The following SNTB1 variants were observed in gnomAD, a reference collection of about 807,000 sequenced individuals.
SNTB1 encodes beta-1-syntrophin.
Under a neutral mutation model 48.9 loss-of-function variants are expected in SNTB1, and 36 were observed. The observed-to-expected ratio is 0.74, with a 90% CI of 0.56 to 0.97. SNTB1 has a LOEUF of 0.97. Among genes scored for constraint, SNTB1 ranks in the 50% least tolerant of loss-of-function variants. The pLI is 0.00. For synonymous variants in SNTB1, 299 were observed against 294.6 expected (o/e 1.01, Z -0.15); for missense variants, 786 against 703.4 (o/e 1.12, Z -1.33).
chr8:120,773,118 A>G (rs1052274972), intron 1 of SNTB1, among the ~76,000 whole-genome samples: 4 of 152,248 alleles, frequency 2.6e-5, no homozygotes, highest in Admixed American at 2.0e-4. Flanking sequence ...TAATTTTAAA[A>G]AATCAGCAAG....
intron 4 of SNTB1, among the ~76,000 whole-genome samples, chr8:120,553,645 T>C (rs1815518615): frequency 6.6e-6 from 1 of 152,198 alleles, no homozygotes; most frequent in Admixed American, 6.5e-5. Flanking sequence ...AACAAAACCA[T>C]TAAAATGTAG....
intron 5 of SNTB1, among the ~76,000 whole-genome samples, chr8:120,546,590 C>T (rs542831797): frequency 2.1e-3 from 319 of 152,254 alleles, no homozygotes; most frequent in African/African-American, 7.3e-3. Context: ...ATTTTCCTGC[C>T]TCCCAAGTAG....
intron 1 of SNTB1, among the ~76,000 whole-genome samples, chr8:120,694,436 A>G (rs1818178861): frequency 6.6e-6 from 1 of 152,128 alleles, no homozygotes. Flanking sequence ...AGCAAAAAAA[A>G]TTATTTGTAA....
intron 1 of SNTB1, among the ~76,000 whole-genome samples, chr8:120,790,444 A>G (rs1231936251): frequency 1.3e-5 from 2 of 151,908 alleles, no homozygotes; most frequent in Non-Finnish European, 2.9e-5. Context: ...AGGAAGTCAA[A>G]TTTTCTGTTT....
At chr8:120,784,717 C>G (rs1189517986) in intron 1 of SNTB1, among the ~76,000 whole-genome samples, 2 of 152,208 alleles carry the variant, frequency 1.3e-5, no homozygotes, top group African/African-American at 4.8e-5. Context: ...AAGCATGCCT[C>G]TTCCACTTGA....
intron 1 of SNTB1, among the ~76,000 whole-genome samples, chr8:120,759,602 G>A (rs767411128): frequency 6.9e-4 from 105 of 152,154 alleles, no homozygotes; most frequent in Admixed American, 1.4e-3. Flanking sequence ...CTCAGGAAGC[G>A]CAATACATCA....
intron 3 of SNTB1, among the ~76,000 whole-genome samples, chr8:120,604,303 T>C (rs1433746170): frequency 6.6e-6 from 1 of 152,182 alleles, no homozygotes; most frequent in Non-Finnish European, 1.5e-5. Context: ...CTCATGGTGG[T>C]GCTCTGAATA....
At chr8:120,743,129 C>T (rs1819068964) in intron 1 of SNTB1, among the ~76,000 whole-genome samples, 1 of 152,152 alleles carries the variant, frequency 6.6e-6, no homozygotes, top group Non-Finnish European at 1.5e-5. Flanking sequence ...AGTGACTGTA[C>T]TATAGAACAG....
chr8:120,722,264 A>G (rs1818673816), intron 1 of SNTB1, among the ~76,000 whole-genome samples: 2 of 152,170 alleles, frequency 1.3e-5, no homozygotes, highest in African/African-American at 4.8e-5. Context: ...TATACCCAGT[A>G]ATGGGATTGC....
chr8:120,644,407 G>A (rs947387830), intron 2 of SNTB1, among the ~76,000 whole-genome samples: 1 of 146,478 alleles, frequency 6.8e-6, no homozygotes, highest in African/African-American at 2.5e-5. Context: ...GTGAGAATAT[G>A]CGATGTTTGG....
At chr8:120,549,717 C>A (rs1815446680) in intron 4 of SNTB1, among the ~76,000 whole-genome samples, 2 of 152,200 alleles carry the variant, frequency 1.3e-5, no homozygotes, top group East Asian at 3.8e-4. Context: ...GGAGCAGGGG[C>A]TAGGTCCTAC....
intron 1 of SNTB1, among the ~76,000 whole-genome samples, chr8:120,704,573 TAA>T (rs1818352066): frequency 6.6e-6 from 1 of 152,012 alleles, no homozygotes; most frequent in East Asian, 1.9e-4. Flanking sequence ...TAAGCCAGGG[TAA>T]AAAGAGGCTG....
At chr8:120,546,764 C>T (rs1049904870) in intron 5 of SNTB1, among the ~76,000 whole-genome samples, 6 of 152,138 alleles carry the variant, frequency 3.9e-5, no homozygotes, top group African/African-American at 1.2e-4. Context: ...GCCACCACAC[C>T]GGGTTTCCAG....
At chr8:120,550,075 A>G (rs907002627) in intron 4 of SNTB1, among the ~76,000 whole-genome samples, 7 of 152,236 alleles carry the variant, frequency 4.6e-5, no homozygotes, top group Non-Finnish European at 1.0e-4. Context: ...GAACAAAATT[A>G]TCAGTAGAAT....
intron 1 of SNTB1, among the ~76,000 whole-genome samples, chr8:120,739,082 A>G (rs1235243033): frequency 1.3e-5 from 2 of 152,238 alleles, no homozygotes; most frequent in Non-Finnish European, 2.9e-5. Context: ...GAATGCGGCA[A>G]ACTCCTCTGT....
At chr8:120,646,117 CA>C (rs1817293133) in intron 2 of SNTB1, among the ~76,000 whole-genome samples, 1 of 144,280 alleles carries the variant, frequency 6.9e-6, no homozygotes, top group South Asian at 2.3e-4. Context: ...CAAACAGGGA[CA>C]ATTTGACTTC....
At chr8:120,553,779 C>T (rs758433608) in intron 4 of SNTB1, among the ~76,000 whole-genome samples, 30 of 152,086 alleles carry the variant, frequency 2.0e-4, no homozygotes, top group Non-Finnish European at 2.8e-4. Context: ...CAGGTGGTCA[C>T]GTGAAGTTAG....
At chr8:120,629,023 G>A (rs1042951976) in intron 3 of SNTB1, among the ~76,000 whole-genome samples, 1 of 152,012 alleles carries the variant, frequency 6.6e-6, no homozygotes, top group African/African-American at 2.4e-5. Flanking sequence ...AGTTCCAGTC[G>A]AGGTGTCAGG....
At chr8:120,805,609 G>T (rs1163375307) in intron 1 of SNTB1, among the ~76,000 whole-genome samples, 2 of 152,146 alleles carry the variant, frequency 1.3e-5, no homozygotes, top group Non-Finnish European at 2.9e-5. Flanking sequence ...AAACTTTGTT[G>T]ATAATGTTAG....
Sources: allele counts gnomAD v4.1 joint callset (sites outside exome capture counted in the v4.1 genomes callset), GRCh38; gene constraint gnomAD v4.1.1; transcripts MANE v1.5; gene names NCBI Gene and HGNC (gene_info 2026-07-23, HGNC 2026-07-21).